The following WIPF3 variants were observed in gnomAD, a reference collection of about 807,000 sequenced individuals.
The protein encoded by WIPF3 is WAS/WASL interacting protein family member 3.
A neutral mutation model predicts 38.9 loss-of-function variants in WIPF3; 33 were observed. The ratio of observed to expected loss-of-function variants is 0.85; its 90% CI spans 0.64 to 1.14. The LOEUF is 1.14. WIPF3 is among the 50% of genes most tolerant of loss of function. WIPF3 has a pLI of 0.00. For missense variants in WIPF3, 711 were observed against 652.5 expected, an observed-to-expected ratio of 1.09 and a Z score of -0.98; for synonymous variants, 324 against 269.3, an observed-to-expected ratio of 1.20 and a Z score of -1.99.
At chr7:29,808,036 G>T (rs1246151934) in intron 1 of WIPF3, among the ~76,000 whole-genome samples, 1 of 152,166 alleles carries the variant, frequency 6.6e-6, no homozygotes, top group African/African-American at 2.4e-5. Context: ...TAAACTCCAG[G>T]TCAATACCTG....
chr7:29,884,139 T>G lies in WIPF3; in HGVS notation c.645T>G (p.Val215=). The G allele has an allele frequency of 1.3e-6, 2 of 1,529,998 alleles. No homozygotes were observed. The highest frequency in any genetic ancestry group is 1.8e-6 in the Non-Finnish European group (2 of 1,136,368). The allele number at this position is 1,529,998 out of a possible 1,614,324, so 94.8% of individuals were successfully genotyped here. The change falls in exon 5 of 9, where the codon GTT becomes GTG. Residue 215 remains valine (V), a synonymous_variant. Coordinates refer to ENST00000242140, the MANE Select transcript of WIPF3 (RefSeq NM_001080529.3). ...GPLTKGNLPV[V]APPVPCAPPP... ...TGACCAAAGGGAACCTCCCGGTGGT[T>G]GCACCCCCCGTCCCCTGTGCGCCAC...
chr7:29,806,653 C>G lies in WIPF3; in HGVS notation c.-83C>G, dbSNP rs1228912197. On this transcript the variant is annotated 5_prime_UTR_variant, in exon 1 of 9. Coordinates refer to ENST00000242140, the MANE Select transcript of WIPF3 (RefSeq NM_001080529.3). ...ACGTCGGCCGGAGCTCGAGTCCAGT[C>G]CAGCCCCCGGCTCCGCCACCTGCAG... 6.6e-6 allele frequency: 1 copy of G among 151,492 alleles called. No individual in the cohort carries two copies. The highest frequency in any genetic ancestry group is 1.9e-4 in the East Asian group (1 of 5,148). 9.4% of individuals were successfully genotyped at this position (151,492 alleles called of 1,614,324 possible).
In WIPF3 at chr7:29,844,778, T is replaced by G. The variant is rs1784972047; in HGVS notation, c.90+9964T>G. Among the ~76,000 whole-genome samples the G allele has an allele frequency of 6.6e-6, 1 of 152,232 alleles. No homozygotes were observed. The highest frequency in any genetic ancestry group is 1.5e-5 in the Non-Finnish European group (1 of 68,034). On this transcript the variant is annotated intron_variant, in intron 2 of 8. Transcript: ENST00000242140. This position sits in a 1 kb window ranked among gnomAD's most constrained non-coding sequence, Gnocchi z 4.8. Reference sequence around the variant, plus strand: ...TTTGAGGCAGGTACTGTTCTCATTTTAAGGATGAGCTAACTCAGGCACTGG... The same window carrying G: ...TTTGAGGCAGGTACTGTTCTCATTTGAAGGATGAGCTAACTCAGGCACTGG...
At chr7:29,871,844 T>A (rs1785501984) in intron 2 of WIPF3, among the ~76,000 whole-genome samples, 1 of 152,242 alleles carries the variant, frequency 6.6e-6, no homozygotes, top group Admixed American at 6.5e-5. Flanking sequence ...ACTTCAGGTC[T>A]GCATCCTTTA....
chr7:29,893,426 C>T (rs1175264635), intron 7 of WIPF3, among the ~76,000 whole-genome samples: 1 of 152,086 alleles, frequency 6.6e-6, no homozygotes, highest in Non-Finnish European at 1.5e-5. Context: ...AAATATAGAA[C>T]AATGAAGGAC....
chr7:29,860,915 G>A (rs1785263915), intron 2 of WIPF3, among the ~76,000 whole-genome samples: 1 of 152,036 alleles, frequency 6.6e-6, no homozygotes, highest in South Asian at 2.1e-4. Flanking sequence ...GAGTGTGTTT[G>A]TGCACGGTGG....
chr7:29,830,023 A>T (rs6462181), intron 1 of WIPF3, among the ~76,000 whole-genome samples: 47,125 of 151,876 alleles, frequency 0.31, 8,313 homozygotes, highest in Middle Eastern at 0.46. Flanking sequence ...GCAGCCCCTG[A>T]CTTCCTGGAG....
intron 2 of WIPF3, among the ~76,000 whole-genome samples, chr7:29,843,305 G>T (rs1452517928): frequency 3.3e-5 from 5 of 152,214 alleles, no homozygotes; most frequent in African/African-American, 9.7e-5. Context: ...TGAGGTGGGA[G>T]GGGTGGCAGG....
chr7:29,817,491 A>G (rs1283739635), intron 1 of WIPF3, among the ~76,000 whole-genome samples: 2 of 152,104 alleles, frequency 1.3e-5, no homozygotes, highest in Admixed American at 6.5e-5. Flanking sequence ...AGAAATTAAA[A>G]ATTTGATTCC....
At chr7:29,870,652 C>A (rs555721702) in intron 2 of WIPF3, among the ~76,000 whole-genome samples, 92 of 152,236 alleles carry the variant, frequency 6.0e-4, no homozygotes, top group Middle Eastern at 3.4e-3. Flanking sequence ...CAAAAAAAGA[C>A]CCCCTCATTT....
intron 5 of WIPF3, among the ~76,000 whole-genome samples, chr7:29,886,591 A>T (rs1785887418): frequency 1.3e-5 from 2 of 152,090 alleles, no homozygotes; most frequent in South Asian, 4.2e-4. Context: ...TCCTGACTTC[A>T]AGTGATCAGC....
At chr7:29,812,196 A>T (rs577982915) in intron 1 of WIPF3, among the ~76,000 whole-genome samples, 72 of 152,374 alleles carry the variant, frequency 4.7e-4, no homozygotes, top group African/African-American at 1.7e-3. Flanking sequence ...TTGAAATAAT[A>T]GTGCTCATGT....
chr7:29,903,492 AGAC>A (rs1786328648), intron 7 of WIPF3, among the ~76,000 whole-genome samples: 1 of 151,758 alleles, frequency 6.6e-6, no homozygotes, highest in Non-Finnish European at 1.5e-5. Context: ...ATTGTTCTGG[AGAC>A]TTTGGGACAT....
chr7:29,908,208 TA>T (rs1786437263), intron 8 of WIPF3, among the ~76,000 whole-genome samples: 1 of 152,188 alleles, frequency 6.6e-6, no homozygotes. Flanking sequence ...GTGGCTCTAC[TA>T]ACATCAGGCA....
intron 2 of WIPF3, among the ~76,000 whole-genome samples, chr7:29,848,696 CTCTTT>C (rs1785042452): frequency 2.0e-5 from 3 of 152,090 alleles, no homozygotes; most frequent in Non-Finnish European, 4.4e-5. Context: ...ATTTTAAGAG[CTCTTT>C]TCTTCTATAG....
chr7:29,870,891 A>G (rs1785483587), intron 2 of WIPF3, among the ~76,000 whole-genome samples: 1 of 150,044 alleles, frequency 6.7e-6, no homozygotes, highest in Non-Finnish European at 1.5e-5. Context: ...CAGGAGAGGG[A>G]GGTGGCAGTG....
chr7:29,839,977 A>G (rs1281132968), intron 2 of WIPF3, among the ~76,000 whole-genome samples: 1 of 152,158 alleles, frequency 6.6e-6, no homozygotes, highest in Non-Finnish European at 1.5e-5. Flanking sequence ...ATTTTGTGGA[A>G]GTTTCTTTTC....
intron 1 of WIPF3, among the ~76,000 whole-genome samples, chr7:29,831,868 A>T (rs1252093956): frequency 1.3e-5 from 2 of 152,044 alleles, no homozygotes; most frequent in African/African-American, 4.8e-5. Flanking sequence ...ATTGACCAGA[A>T]CTCAGTCTCG....
intron 3 of WIPF3, 89 bp downstream of exon 3, chr7:29,876,051 G>T: frequency 6.5e-7 from 1 of 1,531,680 alleles, no homozygotes; most frequent in Non-Finnish European, 8.8e-7. Context: ...TGGGGCCACA[G>T]CTGCTTCCCA....
Sources: allele counts gnomAD v4.1 joint callset (sites outside exome capture counted in the v4.1 genomes callset), GRCh38; gene constraint gnomAD v4.1.1; non-coding constraint Gnocchi (gnomAD v3.1); transcripts MANE v1.5; gene names NCBI Gene and HGNC (gene_info 2026-07-23, HGNC 2026-07-21).